The following APMAP variants were observed in gnomAD, a reference collection of about 807,000 sequenced individuals.
The protein encoded by APMAP is adipocyte plasma membrane-associated protein.
In APMAP, 33 loss-of-function variants were observed where a neutral mutation model predicts 43.6. That is an observed-to-expected ratio of 0.76 (90% CI 0.57 to 1.01). The LOEUF (loss-of-function observed/expected upper bound fraction) is 1.01. Ranked by LOEUF, APMAP falls within the 50% of genes least tolerant of loss-of-function variation. The pLI is 0.00. For synonymous variants in APMAP, 224 were observed against 216.7 expected (o/e 1.03, Z -0.30); for missense variants, 498 against 540.7 (o/e 0.92, Z 0.78).
intron 8 of APMAP, chr20:24,964,533 A>C: frequency 2.2e-6 from 1 of 459,142 alleles, no homozygotes; most frequent in Non-Finnish European, 4.5e-6. Context: ...CTTCCAAAAC[A>C]AAAAGCAAAA....
chr20:24,979,315 T>C (rs922376071), intron 2 of APMAP, among the ~76,000 whole-genome samples: 1 of 152,174 alleles, frequency 6.6e-6, no homozygotes, highest in African/African-American at 2.4e-5. Context: ...ACAGAGAAGA[T>C]GGAAGGAGCA....
chr20:24,965,035 T>A (rs886387886), intron 8 of APMAP, among the ~76,000 whole-genome samples: 5 of 152,208 alleles, frequency 3.3e-5, no homozygotes, highest in Non-Finnish European at 5.9e-5. Flanking sequence ...TCTCTCACTA[T>A]TACAACTAGT....
chr20:24,978,739 CT>C lies in APMAP; in HGVS notation c.328+27del, dbSNP rs201406367. 1,373 of 1,080,982 alleles carry C rather than the reference CT, an allele frequency of 1.3e-3. 21 individuals are homozygous for C. The African/African-American group carries it at 0.021, about 16-fold the overall frequency. 67.0% of individuals were successfully genotyped at this position (1,080,982 alleles called of 1,614,324 possible). On this transcript the variant is annotated intron_variant, in intron 3 of 8. Transcript: ENST00000217456. Reference sequence around the variant, plus strand: ...CTCAGACAACAGACAGCCTGGAAGGCTCCCCCCCCACCCAAGCTTAGACTTA... The same window carrying C: ...CTCAGACAACAGACAGCCTGGAAGGCCCCCCCCCACCCAAGCTTAGACTTA...
At position 24,969,556 on chromosome 20, in the gene APMAP, A is replaced by C. The variant is rs2087979880; in HGVS notation, c.818T>G (p.Val273Gly). The C allele has an allele frequency of 6.2e-7, 1 of 1,613,578 alleles. No individual in the cohort carries two copies. The highest frequency in any genetic ancestry group is 1.3e-5 in the African/African-American group (1 of 74,902). Residue 273 changes from valine to glycine, a missense_variant, in exon 7 of 9, where the codon GTG (valine) becomes GGG (glycine). Coordinates refer to ENST00000217456, the MANE Select transcript of APMAP (RefSeq NM_020531.3). ...QLSPAEDFVL[V>G]AETTMARIRR... ...TATCCTGGCCATGGTTGTTTCTGCC[A>C]CCAGGACAAAGTCTTCTGCAGGAGA...
intron 3 of APMAP, among the ~76,000 whole-genome samples, chr20:24,976,309 T>C (rs1600285062): frequency 1.3e-5 from 2 of 152,180 alleles, no homozygotes; most frequent in East Asian, 3.9e-4. Flanking sequence ...TAAAGAACTA[T>C]TATCCAAAAT....
chr20:24,964,140 C>T, intron 8 of APMAP, 118 bp from the exon 9 acceptor site: 2 of 1,080,514 alleles, frequency 1.9e-6, no homozygotes, highest in Non-Finnish European at 2.7e-6. Flanking sequence ...GACAGGGCAG[C>T]CCCACAGGGC....
chr20:24,992,243 G>C (rs1404531690), intron 1 of APMAP, among the ~76,000 whole-genome samples: 1 of 152,188 alleles, frequency 6.6e-6, no homozygotes, highest in Non-Finnish European at 1.5e-5. Context: ...GACAGCGCGA[G>C]GGGAGCGAGG....
intron 8 of APMAP, among the ~76,000 whole-genome samples, chr20:24,965,959 G>GGT (rs34761465): frequency 5.3e-5 from 8 of 152,032 alleles, no homozygotes; most frequent in African/African-American, 1.2e-4. Flanking sequence ...AAGCGTGAGT[G>GGT]GTGTGTGTGT....
chr20:24,991,247 T>C (rs2088189557), intron 1 of APMAP, among the ~76,000 whole-genome samples: 1 of 152,250 alleles, frequency 6.6e-6, no homozygotes, highest in African/African-American at 2.4e-5. Context: ...AAGATTTCTG[T>C]AGGAAAGTGT....
intron 1 of APMAP, among the ~76,000 whole-genome samples, 180 bp from the exon 2 acceptor site, chr20:24,984,199 T>C (rs1164018667): frequency 6.6e-6 from 1 of 151,704 alleles, no homozygotes; most frequent in Non-Finnish European, 1.5e-5. Context: ...GCAAACACAC[T>C]TTTGTTGTTG....
chr20:24,969,137 A>C (rs1030100244), intron 7 of APMAP, 53 bp from the exon 8 acceptor site: 2 of 1,503,124 alleles, frequency 1.3e-6, no homozygotes, highest in African/African-American at 1.4e-5. Context: ...ATTTCAGAAA[A>C]AAAATTTTAG....
At chr20:24,978,713 CCTCAGA>C in intron 3 of APMAP, 48 bp downstream of exon 3, 1 of 1,222,736 alleles carries the variant, frequency 8.2e-7, no homozygotes, top group Non-Finnish European at 1.2e-6. Context: ...GAACCCGCCC[CCTCAGA>C]CAACAGACAG....
chr20:24,968,589 C>T (rs889403115), intron 8 of APMAP, among the ~76,000 whole-genome samples: 29 of 149,592 alleles, frequency 1.9e-4, no homozygotes, highest in African/African-American at 6.6e-4. Context: ...CCCAGAGCCA[C>T]GATGGTGAGG....
rs11550622 is a variant in APMAP, at chr20:24,964,005, C to T, written c.1059G>A (p.Thr353=). 7 of 1,614,202 alleles carry T rather than the reference C, an allele frequency of 4.3e-6. No individual in the cohort carries two copies. The highest frequency in any genetic ancestry group is 2.2e-5 in the East Asian group (1 of 44,888). Residue 353 remains threonine (T), a synonymous_variant, in exon 9 of 9, where the codon ACG becomes ACA. Coordinates refer to ENST00000217456, the MANE Select transcript of APMAP (RefSeq NM_020531.3). The stretch of plus-strand genomic sequence containing the variant: ...TGTACCGCGGCACAAACTTCATCAC[C>T]GTCTCTTGACTAAAGAGCTAGAGGG... ...RMIFKLFSQE[T]VMKFVPRYSL...
Position 24,973,648 on chromosome 20 carries a change from A to G in APMAP, c.418T>C (p.Cys140Arg). ...CGAGGGATTATCACCAACTTACTGCAAGGGCCCGAACCAAACCGGGCAATG... is the reference window on the plus strand; with the variant it reads ...CGAGGGATTATCACCAACTTACTGCGAGGGCCCGAACCAAACCGGGCAATG... The part of the protein sequence containing the change: ...ETIARFGSGP[C>R]KTRDDEPVCG... The change falls in exon 4 of 9, where the codon TGC becomes CGC. Residue 140 changes from cysteine (C) to arginine (R), a missense_variant. Cys to Arg is a radical substitution (Grantham distance 180). Coordinates refer to ENST00000217456, the MANE Select transcript of APMAP (RefSeq NM_020531.3). 1 of 1,613,438 alleles carries G rather than the reference A, an allele frequency of 6.2e-7. No individual in the cohort carries two copies.
At chr20:24,965,982 C>G (rs1007120800) in intron 8 of APMAP, among the ~76,000 whole-genome samples, 1 of 152,122 alleles carries the variant, frequency 6.6e-6, no homozygotes, top group Non-Finnish European at 1.5e-5. Context: ...GATGTCTACG[C>G]GTGCAGGTAT....
At chr20:24,969,751 G>A (rs1041184012) in intron 6 of APMAP, 91 bp from the exon 7 acceptor site, 50 of 1,470,816 alleles carry the variant, frequency 3.4e-5, no homozygotes, top group Non-Finnish European at 4.2e-5. Flanking sequence ...AGGTGACTCC[G>A]CCTCACCCCG....
intron 1 of APMAP, among the ~76,000 whole-genome samples, chr20:24,987,455 G>C (rs542903025): frequency 1.5e-4 from 23 of 152,318 alleles, no homozygotes; most frequent in Middle Eastern, 3.4e-3. Context: ...CATTTGTGTG[G>C]GAGGGGGAAA....
At chr20:24,971,890 A>G (rs1485149840) in intron 4 of APMAP, among the ~76,000 whole-genome samples, 31 of 123,080 alleles carry the variant, frequency 2.5e-4, no homozygotes, top group Admixed American at 3.3e-4. Flanking sequence ...GTTCACTGTG[A>G]GGTGCTCACT....
Sources: allele counts gnomAD v4.1 joint callset (sites outside exome capture counted in the v4.1 genomes callset), GRCh38; gene constraint gnomAD v4.1.1; transcripts MANE v1.5; gene names NCBI Gene and HGNC (gene_info 2026-07-23, HGNC 2026-07-21).